Variants in LIMK1 observed in about 807,000 individuals in gnomAD.
The protein encoded by LIMK1 is LIM motif-containing protein kinase.
Under a neutral mutation model 77.6 loss-of-function variants are expected in LIMK1, and 21 were observed. The ratio of observed to expected loss-of-function variants is 0.27; its 90% CI spans 0.19 to 0.39. The LOEUF (loss-of-function observed/expected upper bound fraction) is 0.39. Ranked by LOEUF, LIMK1 falls within the 10% of genes least tolerant of loss-of-function variation. LIMK1 has a pLI of 1.00. For synonymous variants in LIMK1, 358 were observed against 370.0 expected (o/e 0.97, Z 0.37); for missense variants, 696 against 901.6 (o/e 0.77, Z 2.92).
intron 11 of LIMK1, 32 bp from the exon 12 acceptor site, chr7:74,111,901 C>T: frequency 6.3e-7 from 1 of 1,592,098 alleles, no homozygotes. Flanking sequence ...CTCTGCACAG[C>T]TGCCCCCTGA....
At chr7:74,101,941 C>T (rs954934705) in intron 5 of LIMK1, among the ~76,000 whole-genome samples, 7 of 152,056 alleles carry the variant, frequency 4.6e-5, no homozygotes, top group African/African-American at 1.4e-4. Context: ...CCACTCACCT[C>T]GGCCTCCTGA....
chr7:74,114,402 A>C (rs1030368244), intron 12 of LIMK1, among the ~76,000 whole-genome samples: 1 of 151,880 alleles, frequency 6.6e-6, no homozygotes, highest in Non-Finnish European at 1.5e-5. Context: ...AAATTAAAAA[A>C]TTAGCTGGCA....
intron 12 of LIMK1, among the ~76,000 whole-genome samples, chr7:74,113,760 A>G (rs1327717157): frequency 6.6e-6 from 1 of 152,012 alleles, no homozygotes; most frequent in Admixed American, 6.6e-5. Flanking sequence ...CAGAGCCCTC[A>G]TGACCCAATC....
In LIMK1 at chr7:74,107,164, G is replaced by A; in HGVS notation, c.1036G>A (p.Gly346Ser). The change falls in exon 8 of 16, where the codon GGC (glycine) becomes AGC (serine). Residue 346 changes from glycine (G) to serine (S), a missense_variant. Transcript: ENST00000336180. ...GGACCTCATCCACGGGGAGGTGCTG[G>A]GCAAGGGCTGCTTCGGCCAGGCTAT... The part of the protein sequence containing the change: ...PSDLIHGEVL[G>S]KGCFGQAIKV... 1 of 1,612,422 alleles carries A rather than the reference G, an allele frequency of 6.2e-7. No individual in the cohort carries two copies. Among genetic ancestry groups the A allele is most frequent in the Non-Finnish European group, 8.5e-7 (1 of 1,179,708 alleles).
intron 11 of LIMK1, 71 bp from the exon 12 acceptor site, chr7:74,111,862 T>A: frequency 6.7e-7 from 1 of 1,489,856 alleles, no homozygotes; most frequent in Non-Finnish European, 9.4e-7. Context: ...CAGAGGGAGT[T>A]CCTGGGGAGC....
intron 2 of LIMK1, among the ~76,000 whole-genome samples, chr7:74,086,738 A>G (rs1229865355): frequency 6.6e-6 from 1 of 151,916 alleles, no homozygotes; most frequent in Non-Finnish European, 1.5e-5. Context: ...AGTGCCTGCA[A>G]TTCAGCCCCC....
rs547466955 is a variant in LIMK1 at position 74,109,319 on chromosome 7, C to T, written c.1284+283C>T. 227 of 411,010 alleles carry T rather than the reference C, an allele frequency of 5.5e-4. 8 individuals are homozygous for T. Among genetic ancestry groups the T allele is most frequent in the South Asian group, 4.7e-3 (221 of 46,942 alleles). The allele number at this position is 411,010 out of a possible 1,614,324, so 25.5% of individuals were successfully genotyped here. ...AGGCTGCAGTGAGCTGTGATCTCAC[C>T]ACTGCACTCCAGCCTGGACCACACA... On this transcript the variant is annotated intron_variant, in intron 10 of 15. Transcript: ENST00000336180.
chr7:74,102,443 C>T (rs1208609867), intron 5 of LIMK1, among the ~76,000 whole-genome samples: 1 of 141,532 alleles, frequency 7.1e-6, no homozygotes, highest in Non-Finnish European at 1.5e-5. Flanking sequence ...TCATTGACTC[C>T]CCCACAATTA....
chr7:74,102,677 T>C (rs1258897848), intron 5 of LIMK1, among the ~76,000 whole-genome samples: 2 of 151,716 alleles, frequency 1.3e-5, no homozygotes, highest in Admixed American at 1.3e-4. Context: ...TTATCAATTG[T>C]ATCTTATAGT....
chr7:74,120,747 A>G (rs914016854), intron 14 of LIMK1, 109 bp downstream of exon 14: 1 of 1,531,652 alleles, frequency 6.5e-7, no homozygotes, highest in African/African-American at 1.4e-5. Flanking sequence ...GCCTGCCCAC[A>G]GCAAGGCATG....
chr7:74,111,947 C>T lies in LIMK1; in HGVS notation c.1359C>T (p.Ser453=), dbSNP rs1554698717. The T allele has an allele frequency of 1.2e-6, 2 of 1,607,948 alleles. No homozygotes were observed. Among genetic ancestry groups the T allele is most frequent in the Admixed American group, 3.4e-5 (2 of 59,486 alleles). ...DIASGMAYLH[S]MNIIHRDLNS... ...CCCGTCCCTAGGCCTACCTCCACTC[C>T]ATGAACATCATCCACCGAGACCTCA... The change falls in exon 12 of 16, where the codon TCC becomes TCT. Residue 453 remains serine (S), a synonymous_variant. Transcript: ENST00000336180.
intron 2 of LIMK1, among the ~76,000 whole-genome samples, chr7:74,095,723 A>G (rs1259357449): frequency 6.6e-6 from 1 of 151,734 alleles, no homozygotes; most frequent in Non-Finnish European, 1.5e-5. Context: ...ACATTTCTAT[A>G]TTTGTTCATC....
chr7:74,120,833 C>A, intron 14 of LIMK1, 59 bp from the exon 15 acceptor site: 1 of 1,606,994 alleles, frequency 6.2e-7, no homozygotes, highest in Non-Finnish European at 8.5e-7. Context: ...ACCTGGATGG[C>A]ACCCAGATGC....
At chr7:74,098,466 C>T (rs782352177) in intron 4 of LIMK1, among the ~76,000 whole-genome samples, 10 of 152,126 alleles carry the variant, frequency 6.6e-5, no homozygotes, top group Non-Finnish European at 1.2e-4. Context: ...AGGATCACAG[C>T]GAGTAGACAG....
Position 74,105,937 on chromosome 7 carries a change from T to C in LIMK1, c.671T>C (p.Leu224Ser). The C allele has an allele frequency of 6.2e-7, 1 of 1,614,058 alleles. No homozygotes were observed. The highest frequency in any genetic ancestry group is 8.5e-7 in the Non-Finnish European group (1 of 1,180,008). ...TCCATCCACGTCGGAGACCGGATCT[T>C]GGAAATCAATGGCACGCCCATCCGA... Reference protein sequence around the residue: ...KNSIHVGDRILEINGTPIRNV... With the variant: ...KNSIHVGDRISEINGTPIRNV... Residue 224 changes from leucine (L) to serine (S), a missense_variant, in exon 6 of 16, where the codon TTG becomes TCG. Physicochemically the swap from Leu to Ser is moderately radical, Grantham distance 145. Coordinates refer to ENST00000336180, the MANE Select transcript of LIMK1 (RefSeq NM_002314.4).
intron 2 of LIMK1, among the ~76,000 whole-genome samples, chr7:74,094,998 G>A (rs1459894499): frequency 6.6e-6 from 1 of 152,154 alleles, no homozygotes; most frequent in Admixed American, 6.5e-5. Context: ...AAGGGGAAGT[G>A]GCTGGATCCT....
At chr7:74,115,481 C>T (rs554352782) in intron 12 of LIMK1, 7 of 311,688 alleles carry the variant, frequency 2.2e-5, no homozygotes, top group South Asian at 2.0e-4. Flanking sequence ...TCAGTGCCCC[C>T]GCAGGTGGGA....
intron 5 of LIMK1, among the ~76,000 whole-genome samples, chr7:74,105,653 T>TGC (rs1799553145): frequency 6.6e-6 from 1 of 152,066 alleles, no homozygotes; most frequent in African/African-American, 2.4e-5. Flanking sequence ...CCTACAAGCG[T>TGC]GCCACCTTTC....
At chr7:74,118,408 A>T (rs1227496477) in intron 13 of LIMK1, among the ~76,000 whole-genome samples, 3 of 150,978 alleles carry the variant, frequency 2.0e-5, no homozygotes, top group Non-Finnish European at 3.0e-5. Context: ...ACACACACAC[A>T]CACACACACA....
Sources: allele counts gnomAD v4.1 joint callset (sites outside exome capture counted in the v4.1 genomes callset), GRCh38; gene constraint gnomAD v4.1.1; transcripts MANE v1.5; gene names NCBI Gene and HGNC (gene_info 2026-07-23, HGNC 2026-07-21).